The following FSD1L variants were observed in gnomAD, a reference collection of about 807,000 sequenced individuals.
FSD1L encodes the protein fibronectin type III and SPRY domain containing 1 like.
A neutral mutation model predicts 71.6 loss-of-function variants in FSD1L; 45 were observed. The observed-to-expected ratio is 0.63, with a 90% confidence interval of 0.49 to 0.81. FSD1L has a LOEUF of 0.81. FSD1L is among the 30% of genes least tolerant of loss of function. The probability of loss-of-function intolerance (pLI) is 0.00; values close to 1 mark genes in which losing one functional copy is unlikely to be tolerated. For synonymous variants in FSD1L, 197 were observed against 207.2 expected, an observed-to-expected ratio of 0.95 and a Z score of 0.42; for missense variants, 561 against 618.1, an observed-to-expected ratio of 0.91 and a Z score of 0.98.
chr9:105,527,375 A>G (rs1419063077), intron 10 of FSD1L, among the ~76,000 whole-genome samples: 2 of 152,182 alleles, frequency 1.3e-5, no homozygotes, highest in African/African-American at 4.8e-5. Context: ...TGTTCAAATT[A>G]TGAGTACTAT....
chr9:105,535,523 C>A (rs542222936), intron 12 of FSD1L, among the ~76,000 whole-genome samples: 2 of 152,114 alleles, frequency 1.3e-5, no homozygotes, highest in African/African-American at 2.4e-5. Flanking sequence ...TAAAAGCACT[C>A]ATTTATAATA....
chr9:105,526,187 G>A, intron 10 of FSD1L: 1 of 1,592,860 alleles, frequency 6.3e-7, no homozygotes, highest in Non-Finnish European at 8.6e-7. Context: ...ATAAATGCAA[G>A]CCGTGCTCTG....
rs552662971 is a variant in FSD1L, at chr9:105,511,094, G to A, written c.896-1713G>A. On this transcript the variant is annotated intron_variant, in intron 9 of 13. Coordinates refer to ENST00000481272, the MANE Select transcript of FSD1L (RefSeq NM_001145313.3). ...AGTGTCCACAAAGAAAGAGAGATAC[G>A]AAAATGACACTCCTTAGGCTTGAAA... Among the ~76,000 whole-genome samples the A allele has an allele frequency of 7.3e-5, 11 of 151,648 alleles. No individual in the cohort carries two copies. In the South Asian group the frequency reaches 1.9e-3, roughly 26 times the overall value.
chr9:105,466,464 A>G (rs2812308), intron 3 of FSD1L, among the ~76,000 whole-genome samples: 103,101 of 152,050 alleles, frequency 0.68, 35,326 homozygotes, highest in African/African-American at 0.76. Context: ...AGGCCGAGTC[A>G]GGTGGATCAC....
At chr9:105,503,177 T>A (rs1384831146) in intron 7 of FSD1L, among the ~76,000 whole-genome samples, 1 of 152,172 alleles carries the variant, frequency 6.6e-6, no homozygotes, top group South Asian at 2.1e-4. Context: ...CATGAGCCAC[T>A]ATGCCCAGCA....
chr9:105,493,507 GTT>G (rs1266451362), intron 7 of FSD1L, among the ~76,000 whole-genome samples: 1 of 151,988 alleles, frequency 6.6e-6, no homozygotes, highest in Non-Finnish European at 1.5e-5. Flanking sequence ...TACATTTAAG[GTT>G]AATATTGTTA....
intron 10 of FSD1L, among the ~76,000 whole-genome samples, chr9:105,532,635 G>A (rs1430746131): frequency 1.3e-5 from 2 of 152,126 alleles, no homozygotes; most frequent in African/African-American, 4.8e-5. Context: ...CTTAGCACAA[G>A]TTTCACAGAA....
At chr9:105,455,095 C>T (rs953179782) in intron 1 of FSD1L, among the ~76,000 whole-genome samples, 1 of 152,178 alleles carries the variant, frequency 6.6e-6, no homozygotes, top group African/African-American at 2.4e-5. Flanking sequence ...TGATTCCGCT[C>T]TTTATCACTG....
rs1186848834 is a variant in FSD1L, at chr9:105,534,518, A to G, written c.1051A>G (p.Thr351Ala). The change falls in exon 11 of 14, where the codon ACA (threonine) becomes GCA (alanine). Residue 351 changes from threonine to alanine, a missense_variant. Around this residue, in one of 3 missense-constraint regions of FSD1L, gnomAD observed 410 missense variants for 413.5 expected, o/e 0.99. Coordinates refer to ENST00000481272, the MANE Select transcript of FSD1L (RefSeq NM_001145313.3). Reference sequence around the variant, plus strand: ...AAGTGGTACACCATCCCCAAAACGAACATCTGTAGGCTCCAGGCCACCAGC... The same window carrying G: ...AAGTGGTACACCATCCCCAAAACGAGCATCTGTAGGCTCCAGGCCACCAGC... ...GRSGTPSPKR[T>A]SVGSRPPAVR... 1 of 1,549,682 alleles carries G rather than the reference A, an allele frequency of 6.5e-7. No individual in the cohort carries two copies. Among genetic ancestry groups the G allele is most frequent in the African/African-American group, 1.4e-5 (1 of 72,974 alleles).
chr9:105,460,030 C>T (rs747785478), intron 1 of FSD1L, among the ~76,000 whole-genome samples: 11 of 152,208 alleles, frequency 7.2e-5, no homozygotes, highest in Non-Finnish European at 1.3e-4. Context: ...AGTGCTCTCT[C>T]TTCAAAGAAT....
Position 105,453,240 on chromosome 9 carries a change from G to A in FSD1L, c.15+5005G>A, listed in dbSNP as rs536216274. On this transcript the variant is annotated intron_variant, in intron 1 of 13. Coordinates refer to ENST00000481272, the MANE Select transcript of FSD1L (RefSeq NM_001145313.3). ...TCTGCCACCCAGGCTAGAGTGCAGCGGTATGATCTTGGCTCACTGCAACCT... is the reference window on the plus strand; with the variant it reads ...TCTGCCACCCAGGCTAGAGTGCAGCAGTATGATCTTGGCTCACTGCAACCT... 1.3e-5 allele frequency among the ~76,000 whole-genome samples: 2 copies of A among 151,840 alleles called. 1 individual carries two copies. The highest frequency in any genetic ancestry group is 4.2e-4 in the South Asian group (2 of 4,782).
At chr9:105,485,954 G>A (rs1271012419) in intron 7 of FSD1L, among the ~76,000 whole-genome samples, 1 of 151,592 alleles carries the variant, frequency 6.6e-6, no homozygotes, top group African/African-American at 2.4e-5. Context: ...TTTGGAGTCT[G>A]TTTTTGAATA....
At chr9:105,453,171 CTA>C (rs1491509419) in intron 1 of FSD1L, among the ~76,000 whole-genome samples, 1 of 144,398 alleles carries the variant, frequency 6.9e-6, no homozygotes, top group Non-Finnish European at 1.5e-5. Flanking sequence ...ATAAAAATCA[CTA>C]TTTTAATTTT....
chr9:105,508,715 G>A lies in FSD1L; in HGVS notation c.895G>A (p.Ala299Thr), dbSNP rs1258625177. The A allele has an allele frequency of 1.3e-6, 2 of 1,523,584 alleles. No homozygotes were observed. Among genetic ancestry groups the A allele is most frequent in the Non-Finnish European group, 1.8e-6 (2 of 1,121,728 alleles). The allele number at this position is 1,523,584 out of a possible 1,614,324, so 94.4% of individuals were successfully genotyped here. The change falls in exon 9 of 14, where the codon GCA becomes ACA. Residue 299 changes from alanine to threonine, a missense_variant and splice_region_variant. Physicochemically the swap from Ala to Thr is moderately conservative, Grantham distance 58. Transcript: ENST00000481272. ...TGATCCAGTGACTCTAGAGACCAAA[G>A]GTGAGATCAGTAGCTCTTTATACAG... ...YSDPVTLETK[A>T]LNFNLDNSSS...
Position 105,550,429 on chromosome 9 carries a change from A to G in FSD1L, c.*3946A>G, listed in dbSNP as rs527841373. 1 of 152,148 alleles carries G rather than the reference A, an allele frequency of 6.6e-6. No homozygotes were observed. Among genetic ancestry groups the G allele is most frequent in the African/African-American group, 2.4e-5 (1 of 41,552 alleles). The allele number at this position is 152,148 out of a possible 1,614,324, so 9.4% of individuals were successfully genotyped here. A position where few individuals can be genotyped will look rare whatever the true frequency, so the allele number is the denominator to read the frequency against. On this transcript the variant is annotated 3_prime_UTR_variant, in exon 14 of 14. Transcript: ENST00000481272. Reference sequence around the variant, plus strand: ...CAAAGTTGTTATTTTTAACCAAAATATACATTTCATAATGTTGGCACTGGA... The same window carrying G: ...CAAAGTTGTTATTTTTAACCAAAATGTACATTTCATAATGTTGGCACTGGA...
chr9:105,543,132 T>C (rs1836737406), intron 13 of FSD1L, among the ~76,000 whole-genome samples: 1 of 152,166 alleles, frequency 6.6e-6, no homozygotes, highest in Non-Finnish European at 1.5e-5. Flanking sequence ...TGAAAATTTA[T>C]AATGTTAATT....
intron 5 of FSD1L, among the ~76,000 whole-genome samples, chr9:105,475,578 C>T (rs1254652146): frequency 1.3e-5 from 2 of 152,094 alleles, no homozygotes; most frequent in Non-Finnish European, 2.9e-5. Context: ...GGACCTTCAA[C>T]AAAAGCGTGA....
chr9:105,477,136 T>C (rs1475900069), intron 5 of FSD1L, among the ~76,000 whole-genome samples: 3 of 152,198 alleles, frequency 2.0e-5, no homozygotes, highest in Non-Finnish European at 4.4e-5. Flanking sequence ...ATTTTTACCT[T>C]ATTAAATTTA....
intron 7 of FSD1L, among the ~76,000 whole-genome samples, chr9:105,496,292 G>A (rs573476707): frequency 7.1e-6 from 1 of 141,736 alleles, no homozygotes; most frequent in African/African-American, 2.6e-5. Context: ...TGCAAGCTCC[G>A]CCTCCCGTAC....
Sources: allele counts gnomAD v4.1 joint callset (sites outside exome capture counted in the v4.1 genomes callset), GRCh38; gene constraint gnomAD v4.1.1; regional missense constraint gnomAD v4.1.1; transcripts MANE v1.5; gene names NCBI Gene and HGNC (gene_info 2026-07-23, HGNC 2026-07-21).